CNNM4: variants seen among roughly 807,000 people sequenced by gnomAD.
CNNM4 encodes metal transporter CNNM4.
CNNM4 carries 32 observed loss-of-function variants against 53.7 expected under a neutral mutation model. That is an observed-to-expected ratio of 0.60 (90% confidence interval 0.45 to 0.80). CNNM4 has a LOEUF of 0.80. Ranked by LOEUF, CNNM4 falls within the 30% of genes least tolerant of loss-of-function variation. The probability of loss-of-function intolerance (pLI) is 0.00; values close to 1 mark genes in which losing one functional copy is unlikely to be tolerated. For synonymous variants in CNNM4, 410 were observed against 440.0 expected (o/e 0.93, Z 0.85); for missense variants, 784 against 1,022.0 (o/e 0.77, Z 3.17).
intron 1 of CNNM4, among the ~76,000 whole-genome samples, chr2:96,774,993 A>G (rs906105467): frequency 2.9e-5 from 4 of 139,168 alleles, no homozygotes; most frequent in Non-Finnish European, 6.2e-5. Context: ...AAAAAAAAAA[A>G]AAAAAGCCAG....
intron 5 of CNNM4, among the ~76,000 whole-genome samples, chr2:96,802,298 G>A (rs1574083584): frequency 6.6e-6 from 1 of 152,176 alleles, no homozygotes; most frequent in Admixed American, 6.5e-5. Flanking sequence ...GTTGCTCCTG[G>A]CCCAGCCAAG....
Position 96,793,870 on chromosome 2 carries a change from G to A in CNNM4, c.1403-3142G>A, listed in dbSNP as rs576037884. Among the ~76,000 whole-genome samples, 388 of 152,224 alleles carry A rather than the reference G, an allele frequency of 2.5e-3. 3 individuals carry two copies. The highest frequency in any genetic ancestry group is 8.9e-3 in the African/African-American group (369 of 41,506). Reference sequence around the variant, plus strand: ...CTCAGGAGGCTGAGGCAGGAGAATCGCTTGAACCTGGGAGGTGAAGGTTGC... The same window carrying A: ...CTCAGGAGGCTGAGGCAGGAGAATCACTTGAACCTGGGAGGTGAAGGTTGC... On this transcript the variant is annotated intron_variant, in intron 1 of 6. Coordinates refer to ENST00000377075, the MANE Select transcript of CNNM4 (RefSeq NM_020184.4).
At chr2:96,765,849 C>G (rs1166807932) in intron 1 of CNNM4, among the ~76,000 whole-genome samples, 1 of 149,786 alleles carries the variant, frequency 6.7e-6, no homozygotes, top group Non-Finnish European at 1.5e-5. Context: ...GGCTGGAGTG[C>G]AATGGCACCA....
intron 1 of CNNM4, among the ~76,000 whole-genome samples, chr2:96,787,757 G>A (rs971777508): frequency 1.3e-5 from 2 of 152,090 alleles, no homozygotes. Context: ...CTACTTGGGA[G>A]GCTGAGGTAG....
Position 96,801,220 on chromosome 2 carries a change from G to C in CNNM4, c.1948+1572G>C. ...TGCATTAACCTCCCCACATGGACCC[G>C]GACCCCCGCCTGCTCAATGTGGGCC... On this transcript the variant is annotated intron_variant, in intron 5 of 6. Transcript: ENST00000377075. The surrounding 1 kb of genome is among the most constrained non-coding windows in gnomAD (Gnocchi z 5.6). The C allele has an allele frequency of 2.7e-6, 2 of 742,074 alleles. No individual in the cohort carries two copies. Among genetic ancestry groups the C allele is most frequent in the Non-Finnish European group, 1.6e-6 (1 of 607,560 alleles). The allele number at this position is 742,074 out of a possible 1,614,324, so 46.0% of individuals were successfully genotyped here.
chr2:96,802,048 C>T (rs2079164554), intron 5 of CNNM4, among the ~76,000 whole-genome samples: 1 of 151,442 alleles, frequency 6.6e-6, no homozygotes, highest in Admixed American at 6.6e-5. Context: ...CACACACAGA[C>T]ACACACAGAT....
intron 1 of CNNM4, among the ~76,000 whole-genome samples, chr2:96,795,289 G>A (rs979966417): frequency 2.0e-5 from 3 of 152,230 alleles, no homozygotes; most frequent in African/African-American, 7.2e-5. Flanking sequence ...GGCCTGGCCC[G>A]CTGCCGCCCT....
At chr2:96,806,535 A>ACACACACACACGCGCG (rs374638753) in intron 5 of CNNM4, among the ~76,000 whole-genome samples, 3 of 123,944 alleles carry the variant, frequency 2.4e-5, no homozygotes, top group African/African-American at 8.7e-5. Context: ...ACACACACAC[A>ACACACACACACGCGCG]CGCGCGCGCG....
At position 96,760,952 on chromosome 2, in the gene CNNM4, C is replaced by G; in HGVS notation, c.-48C>G. On this transcript the variant is annotated 5_prime_UTR_variant, in exon 1 of 7. Coordinates refer to ENST00000377075, the MANE Select transcript of CNNM4 (RefSeq NM_020184.4). Reference sequence around the variant, plus strand: ...CCGGAGCTGCGGTGCGGACCGGGGCCGCGCGGCGTGGCGCGGGGAGCGGCG... The same window carrying G: ...CCGGAGCTGCGGTGCGGACCGGGGCGGCGCGGCGTGGCGCGGGGAGCGGCG... 1.0e-6 allele frequency: 1 copy of G among 958,766 alleles called. No homozygotes were observed. The highest frequency in any genetic ancestry group is 1.2e-6 in the Non-Finnish European group (1 of 805,194). The allele number at this position is 958,766 out of a possible 1,614,324, so 59.4% of individuals were successfully genotyped here. A position where few individuals can be genotyped will look rare whatever the true frequency, so the allele number is the denominator to read the frequency against.
Position 96,808,823 on chromosome 2 carries a change from A to C in CNNM4, c.2130+81A>C. 7.0e-7 allele frequency: 1 copy of C among 1,421,434 alleles called. No homozygotes were observed. The highest frequency in any genetic ancestry group is 1.2e-5 in the South Asian group (1 of 86,012). The allele number at this position is 1,421,434 out of a possible 1,614,324, so 88.1% of individuals were successfully genotyped here. Reference sequence around the variant, plus strand: ...ACTACTTTCATCCACCAAACCCAGCATGGTGGGCCCAAACCCGAGATGCCT... The same window carrying C: ...ACTACTTTCATCCACCAAACCCAGCCTGGTGGGCCCAAACCCGAGATGCCT... On this transcript the variant is annotated intron_variant, in intron 6 of 6. Transcript: ENST00000377075. The surrounding 1 kb of genome is among the most constrained non-coding windows in gnomAD (Gnocchi z 4.9).
intron 5 of CNNM4, 115 bp downstream of exon 5, chr2:96,799,763 A>C: frequency 1.1e-6 from 1 of 938,934 alleles, no homozygotes. Flanking sequence ...TGGCTGGGGC[A>C]GAGGGAGGCT....
intron 5 of CNNM4, among the ~76,000 whole-genome samples, chr2:96,804,486 C>T (rs62152788): frequency 0.082 from 12,495 of 151,906 alleles, 580 homozygotes; most frequent in Middle Eastern, 0.16. Context: ...ACTGCAACCT[C>T]CACCTCCCAG....
intron 5 of CNNM4, among the ~76,000 whole-genome samples, chr2:96,805,580 C>A (rs1182581112): frequency 8.0e-5 from 10 of 124,994 alleles, no homozygotes; most frequent in African/African-American, 3.1e-4. Flanking sequence ...TTTTCCTAGG[C>A]AGAGGACCCT....
At chr2:96,796,813 TA>T in intron 1 of CNNM4, among the ~76,000 whole-genome samples, 198 bp from the exon 2 acceptor site, 1 of 152,324 alleles carries the variant, frequency 6.6e-6, no homozygotes. Context: ...GACATGCTTT[TA>T]AAAATTACTT....
chr2:96,770,149 A>T lies in CNNM4; in HGVS notation c.1402+7748A>T, dbSNP rs72809842. ...GAGGACACTCACGTGTCTTCACTTGACAGTTCTCTTCTCAGAGCTCTTGTT... is the reference window on the plus strand; with the variant it reads ...GAGGACACTCACGTGTCTTCACTTGTCAGTTCTCTTCTCAGAGCTCTTGTT... On this transcript the variant is annotated intron_variant, in intron 1 of 6. Transcript: ENST00000377075. 9.6e-3 allele frequency among the ~76,000 whole-genome samples: 1,462 copies of T among 152,346 alleles called. 15 individuals are homozygous for T. Among genetic ancestry groups the T allele is most frequent in the Non-Finnish European group, 0.012 (829 of 68,028 alleles).
chr2:96,798,879 A>G (rs1239104114), intron 3 of CNNM4, among the ~76,000 whole-genome samples, 178 bp from the exon 4 acceptor site: 3 of 152,180 alleles, frequency 2.0e-5, no homozygotes. Context: ...GTATCCAACC[A>G]GTCAGAAGCC....
chr2:96,770,758 G>C (rs746449484), intron 1 of CNNM4, among the ~76,000 whole-genome samples: 37 of 152,244 alleles, frequency 2.4e-4, no homozygotes, highest in Non-Finnish European at 4.7e-4. Flanking sequence ...CAGGCCTCCA[G>C]TCTCCTTGAG....
chr2:96,807,110 A>G (rs1283196545), intron 5 of CNNM4, among the ~76,000 whole-genome samples: 1 of 152,186 alleles, frequency 6.6e-6, no homozygotes, highest in African/African-American at 2.4e-5. Context: ...TCCCAGGCTC[A>G]GGTGACCCTC....
intron 1 of CNNM4, among the ~76,000 whole-genome samples, chr2:96,762,622 A>C (rs1317125432): frequency 6.6e-6 from 1 of 152,124 alleles, no homozygotes; most frequent in Non-Finnish European, 1.5e-5. Flanking sequence ...GATGAATCAA[A>C]GCTGAATAAG....
Sources: allele counts gnomAD v4.1 joint callset (sites outside exome capture counted in the v4.1 genomes callset), GRCh38; gene constraint gnomAD v4.1.1; non-coding constraint Gnocchi (gnomAD v3.1); transcripts MANE v1.5; gene names NCBI Gene and HGNC (gene_info 2026-07-23, HGNC 2026-07-21).